Variants in MBD5 observed in about 807,000 individuals in gnomAD.
MBD5 encodes methyl-CpG binding domain protein 5.
A neutral mutation model predicts 117.3 loss-of-function variants in MBD5; 13 were observed. The ratio of observed to expected loss-of-function variants is 0.11; its 90% confidence interval spans 0.07 to 0.18. The LOEUF is 0.18. Ranked by LOEUF, MBD5 falls within the 10% of genes least tolerant of loss-of-function variation. The pLI is 1.00. For synonymous variants in MBD5, 727 were observed against 766.4 expected, an observed-to-expected ratio of 0.95 and a Z score of 0.85; for missense variants, 1,879 against 2,093.8, an observed-to-expected ratio of 0.90 and a Z score of 2.00.
chr2:148,325,722 C>G (rs1033128272), intron 3 of MBD5, among the ~76,000 whole-genome samples: 2 of 152,128 alleles, frequency 1.3e-5, no homozygotes, highest in South Asian at 4.2e-4. Flanking sequence ...TGATTCTTCT[C>G]TCTTTTTTTC....
At chr2:148,266,906 GTTTTA>G (rs1700873013) in intron 3 of MBD5, among the ~76,000 whole-genome samples, 2 of 152,206 alleles carry the variant, frequency 1.3e-5, no homozygotes, top group Admixed American at 6.5e-5. Context: ...GTTTTCAGGT[GTTTTA>G]TTTTGTTGAT....
intron 2 of MBD5, among the ~76,000 whole-genome samples, chr2:148,223,416 A>C (rs888867796): frequency 6.6e-6 from 1 of 151,952 alleles, no homozygotes; most frequent in Non-Finnish European, 1.5e-5. Flanking sequence ...GGGAGACTTT[A>C]TTACAGCTTC....
rs746675581 is a variant in MBD5, at chr2:148,103,941, A to T, written c.-924-74759A>T. On this transcript the variant is annotated intron_variant, in intron 1 of 13. Transcript: ENST00000642680. ...TTTATAGCAAGTACCATGCTTGACC[A>T]AGGCAGTATGGCATATGTGTGCATG... 4.6e-4 allele frequency among the ~76,000 whole-genome samples: 70 copies of T among 152,190 alleles called. 1 individual carries two copies. The highest frequency in any genetic ancestry group is 1.6e-4 in the Non-Finnish European group (11 of 68,024).
chr2:148,477,195 G>C (rs536410901), intron 8 of MBD5, among the ~76,000 whole-genome samples: 1 of 152,050 alleles, frequency 6.6e-6, no homozygotes, highest in African/African-American at 2.4e-5. Context: ...TGATCCCCTT[G>C]ATAGTCATAA....
At chr2:148,241,044 T>C (rs964427591) in intron 3 of MBD5, among the ~76,000 whole-genome samples, 18 of 152,134 alleles carry the variant, frequency 1.2e-4, no homozygotes, top group Admixed American at 6.6e-5. Context: ...ATGAATCATC[T>C]CAGAGTCTGT....
At chr2:148,325,266 T>C (rs1702412997) in intron 3 of MBD5, among the ~76,000 whole-genome samples, 1 of 152,222 alleles carries the variant, frequency 6.6e-6, no homozygotes, top group Non-Finnish European at 1.5e-5. Flanking sequence ...TTTGCATCAA[T>C]GTTCATCAAA....
chr2:148,464,916 G>A (rs1389109824), intron 7 of MBD5, among the ~76,000 whole-genome samples: 1 of 151,360 alleles, frequency 6.6e-6, no homozygotes, highest in Non-Finnish European at 1.5e-5. Context: ...GCTGCAGTGA[G>A]CCATGATCAC....
In MBD5 at chr2:148,483,480, G is replaced by A. The variant is rs528768120; in HGVS notation, c.2889G>A (p.Pro963=). ...INLHPLGFLN[P]NVNAALAFLS... The stretch of plus-strand genomic sequence containing the variant: ...TCCACCCTTTAGGTTTTCTCAACCC[G>A]AATGTAAACGCTGCTTTAGCTTTTC... The change falls in exon 9 of 14, where the codon CCG becomes CCA. Residue 963 remains proline (P), a synonymous_variant. Coordinates refer to ENST00000642680, the MANE Select transcript of MBD5 (RefSeq NM_001378120.1). 19 of 1,613,736 alleles carry A rather than the reference G, an allele frequency of 1.2e-5. No individual in the cohort carries two copies. In the South Asian group the frequency reaches 1.3e-4, roughly 11 times the overall value.
intron 4 of MBD5, among the ~76,000 whole-genome samples, chr2:148,434,750 C>G (rs1276903151): frequency 6.6e-6 from 1 of 152,080 alleles, no homozygotes; most frequent in Non-Finnish European, 1.5e-5. Context: ...GTAGAGAGTT[C>G]TGTAGATGTC....
At chr2:148,397,241 C>A (rs1704745927) in intron 4 of MBD5, among the ~76,000 whole-genome samples, 1 of 151,466 alleles carries the variant, frequency 6.6e-6, no homozygotes, top group Non-Finnish European at 1.5e-5. Context: ...ATCATATGGT[C>A]AACGTGATTA....
intron 1 of MBD5, among the ~76,000 whole-genome samples, chr2:148,131,886 G>T (rs1374989420): frequency 6.6e-6 from 1 of 152,060 alleles, no homozygotes; most frequent in African/African-American, 2.4e-5. Context: ...TCAGCATAAT[G>T]GCTTCTTCAC....
intron 3 of MBD5, among the ~76,000 whole-genome samples, chr2:148,289,952 A>G (rs983871108): frequency 9.6e-6 from 1 of 103,878 alleles, no homozygotes; most frequent in Non-Finnish European, 1.9e-5. Flanking sequence ...ATCATGTATT[A>G]CCTTTTTTTT....
In MBD5 at chr2:148,485,875, G is replaced by C. The variant is rs148321416; in HGVS notation, c.3678G>C (p.Gln1226His). 351 of 1,614,082 alleles carry C rather than the reference G, an allele frequency of 2.2e-4. 1 individual carries two copies. Among genetic ancestry groups the C allele is most frequent in the Middle Eastern group, 1.2e-3 (7 of 6,060 alleles). ...TTCTCCAGGGGTACCAGAATCTCCAGGCGTTCCAAGGACAGTCCACAATTC... is the reference window on the plus strand; with the variant it reads ...TTCTCCAGGGGTACCAGAATCTCCACGCGTTCCAAGGACAGTCCACAATTC... ...QQLLQGYQNL[Q>H]AFQGQSTIPC... Residue 1226 changes from glutamine to histidine, a missense_variant, in exon 10 of 14, where the codon CAG (glutamine) becomes CAC (histidine). By Grantham distance (24) the Gln-to-His change is conservative. Around this residue, in one of 4 missense-constraint regions of MBD5, gnomAD observed 1,666 missense variants for 1,792.2 expected, o/e 0.93. Transcript: ENST00000642680.
At position 148,465,750 on chromosome 2, in the gene MBD5, T is replaced by C. The variant is rs150121946; in HGVS notation, c.397+1831T>C. Among the ~76,000 whole-genome samples, 30 of 152,300 alleles carry C rather than the reference T, an allele frequency of 2.0e-4. No homozygotes were observed. The East Asian group carries it at 5.6e-3, about 28-fold the overall frequency. On this transcript the variant is annotated intron_variant, in intron 7 of 13. Coordinates refer to ENST00000642680, the MANE Select transcript of MBD5 (RefSeq NM_001378120.1). The stretch of plus-strand genomic sequence containing the variant: ...TTGCTTTGGATACAAAGAAGAACAG[T>C]TGCCATGTCATGCAGGTAATTAAAG...
intron 1 of MBD5, among the ~76,000 whole-genome samples, chr2:148,145,762 A>G (rs548794030): frequency 1.7e-4 from 26 of 152,094 alleles, no homozygotes; most frequent in Non-Finnish European, 3.7e-4. Context: ...ATTGATTTGC[A>G]TATGTCGAAC....
At chr2:148,055,418 C>CTTTTTTT (rs56877252) in intron 1 of MBD5, 40 of 140,830 alleles carry the variant, frequency 2.8e-4, no homozygotes, top group African/African-American at 3.1e-4. Context: ...ATAGGTTTTT[C>CTTTTTTT]TTTTTTTTTT....
intron 1 of MBD5, among the ~76,000 whole-genome samples, chr2:148,171,189 A>G (rs1698254025): frequency 6.6e-6 from 1 of 152,210 alleles, no homozygotes; most frequent in African/African-American, 2.4e-5. Flanking sequence ...AAAAAAGAAA[A>G]TTACAGGCCA....
At chr2:148,381,509 T>A (rs35715730) in intron 4 of MBD5, among the ~76,000 whole-genome samples, 78,284 of 151,892 alleles carry the variant, frequency 0.52, 20,392 homozygotes, top group East Asian at 0.75. Context: ...GACGGGGAGA[T>A]TGGAACCAAG....
rs1303990450 is a variant in MBD5, at chr2:148,458,752, A to G, written c.-7A>G. The G allele has an allele frequency of 2.5e-6, 4 of 1,609,184 alleles. No homozygotes were observed. In the African/African-American group the frequency reaches 4.0e-5, roughly 16 times the overall value. On this transcript the variant is annotated 5_prime_UTR_variant, in exon 5 of 14. Transcript: ENST00000642680. ...TATCTTTGGAGAGTCCCTAGCAGAC[A>G]CAGAAAATGAATGGAGGCAAAGAGT...
Sources: allele counts gnomAD v4.1 joint callset (sites outside exome capture counted in the v4.1 genomes callset), GRCh38; gene constraint gnomAD v4.1.1; regional missense constraint gnomAD v4.1.1; transcripts MANE v1.5; gene names NCBI Gene and HGNC (gene_info 2026-07-23, HGNC 2026-07-21).